Variants in KCNQ5 observed in about 807,000 individuals in gnomAD.
KCNQ5 encodes potassium voltage-gated channel subfamily Q member 5.
In KCNQ5, 30 loss-of-function variants were observed where a neutral mutation model predicts 98.2. The ratio of observed to expected loss-of-function variants is 0.31; its 90% CI spans 0.23 to 0.41. The LOEUF is 0.41. Among genes scored for constraint, KCNQ5 ranks in the 10% least tolerant of loss-of-function variants. KCNQ5 has a pLI of 1.00. For synonymous variants in KCNQ5, 458 were observed against 449.4 expected, an observed-to-expected ratio of 1.02 and a Z score of -0.24; for missense variants, 835 against 1,182.5, an observed-to-expected ratio of 0.71 and a Z score of 4.31.
chr6:72,973,825 A>T (rs1317021311), intron 1 of KCNQ5, among the ~76,000 whole-genome samples: 3 of 152,246 alleles, frequency 2.0e-5, no homozygotes, highest in Non-Finnish European at 2.9e-5. Flanking sequence ...AGAAATTAAG[A>T]AATATGTGAC....
chr6:73,155,175 C>T (rs957313931), intron 10 of KCNQ5, among the ~76,000 whole-genome samples: 1 of 152,204 alleles, frequency 6.6e-6, no homozygotes, highest in African/African-American at 2.4e-5. Context: ...CACACTTCAT[C>T]CTCTGTGCTT....
chr6:72,836,635 ACTGTTTTGCCC>A lies in KCNQ5; in HGVS notation c.399-167272_399-167262del, dbSNP rs1444862485. On this transcript the variant is annotated intron_variant, in intron 1 of 13. Coordinates refer to ENST00000370398, the MANE Select transcript of KCNQ5 (RefSeq NM_019842.4). ...TTTTTTTCTGTAGAGACAGGGTCTCACTGTTTTGCCCAAGCTGGTCTTGAATTCCTGTGCTT... is the reference window on the plus strand; with the variant it reads ...TTTTTTTCTGTAGAGACAGGGTCTCAAAGCTGGTCTTGAATTCCTGTGCTT... 2.6e-3 allele frequency among the ~76,000 whole-genome samples: 388 copies of A among 151,978 alleles called. 5 individuals carry two copies. Among genetic ancestry groups the A allele is most frequent in the South Asian group, 4.4e-3 (21 of 4,802 alleles).
chr6:72,668,129 G>A (rs1039458102), intron 1 of KCNQ5, among the ~76,000 whole-genome samples: 3 of 152,148 alleles, frequency 2.0e-5, no homozygotes, highest in Non-Finnish European at 2.9e-5. Flanking sequence ...ATATTGGGAA[G>A]GCTGGGGAAA....
chr6:73,183,422 C>T (rs775479289), intron 11 of KCNQ5, among the ~76,000 whole-genome samples: 4 of 152,194 alleles, frequency 2.6e-5, no homozygotes, highest in Non-Finnish European at 5.9e-5. Context: ...CCAAGCACAA[C>T]TCTTGGAGAC....
chr6:72,867,740 C>A (rs1020901983), intron 1 of KCNQ5, among the ~76,000 whole-genome samples: 4 of 151,600 alleles, frequency 2.6e-5, no homozygotes, highest in African/African-American at 4.9e-5. Flanking sequence ...GAGTTAAAGA[C>A]CAGCCTGAGC....
chr6:73,132,477 T>C (rs1776277379), intron 9 of KCNQ5, among the ~76,000 whole-genome samples: 1 of 152,256 alleles, frequency 6.6e-6, no homozygotes, highest in Admixed American at 6.5e-5. Context: ...TGTGTTGCTA[T>C]GTTTATCTCC....
chr6:72,817,842 C>T (rs544132514), intron 1 of KCNQ5, among the ~76,000 whole-genome samples: 1 of 151,724 alleles, frequency 6.6e-6, no homozygotes. Flanking sequence ...TGCAGTGAGC[C>T]GTGATTGCAC....
chr6:72,852,304 C>A (rs571573595), intron 1 of KCNQ5, among the ~76,000 whole-genome samples: 7 of 152,152 alleles, frequency 4.6e-5, no homozygotes, highest in African/African-American at 1.4e-4. Context: ...GATATATCTA[C>A]TCTTCCATGT....
At chr6:73,182,788 G>C (rs966547995) in intron 11 of KCNQ5, among the ~76,000 whole-genome samples, 1 of 152,096 alleles carries the variant, frequency 6.6e-6, no homozygotes, top group African/African-American at 2.4e-5. Context: ...CATGATATAC[G>C]TTGGGAATAT....
chr6:72,625,370 A>G (rs1251588855), intron 1 of KCNQ5, among the ~76,000 whole-genome samples: 3 of 152,174 alleles, frequency 2.0e-5, no homozygotes, highest in Non-Finnish European at 4.4e-5. Context: ...TGCCCTTACT[A>G]TTCTTTAGGA....
chr6:73,150,642 G>A (rs80300510), intron 10 of KCNQ5, among the ~76,000 whole-genome samples: 2,915 of 150,670 alleles, frequency 0.019, 213 homozygotes, highest in Admixed American at 0.12. Flanking sequence ...TAAACATATC[G>A]TGGCACATAC....
chr6:73,100,256 A>C (rs899555425), intron 5 of KCNQ5, among the ~76,000 whole-genome samples: 1 of 152,240 alleles, frequency 6.6e-6, no homozygotes, highest in Non-Finnish European at 1.5e-5. Context: ...AAAAACTTCA[A>C]ATAAACAACC....
rs1189137122 is a variant in KCNQ5, at chr6:72,658,559, G to GATAT, written c.398+35989_398+35992dup. ...GCCTCCCAAAGTGCTGGGATTAAAG[G>GATAT]ATATATATATATATATATATTTTTT... On this transcript the variant is annotated intron_variant, in intron 1 of 13. Transcript: ENST00000370398. 5.0e-3 allele frequency among the ~76,000 whole-genome samples: 439 copies of GATAT among 88,386 alleles called. 6 individuals carry two copies. The highest frequency in any genetic ancestry group is 5.6e-3 in the African/African-American group (83 of 14,882). The allele number at this position is 88,386 out of a possible 152,430, so 58.0% of individuals were successfully genotyped here.
chr6:73,170,502 C>CA (rs1352495414), intron 11 of KCNQ5, among the ~76,000 whole-genome samples: 2 of 149,438 alleles, frequency 1.3e-5, no homozygotes, highest in African/African-American at 5.0e-5. Flanking sequence ...GCATGCTCAG[C>CA]TGGCCCAGTT....
At chr6:72,736,188 A>G (rs1385842221) in intron 1 of KCNQ5, among the ~76,000 whole-genome samples, 1 of 152,092 alleles carries the variant, frequency 6.6e-6, no homozygotes, top group Non-Finnish European at 1.5e-5. Context: ...AAGCTCTAAA[A>G]TATCTCATCC....
intron 1 of KCNQ5, among the ~76,000 whole-genome samples, chr6:72,969,264 AT>A (rs1294673728): frequency 6.6e-6 from 1 of 152,154 alleles, no homozygotes; most frequent in African/African-American, 2.4e-5. Flanking sequence ...TCATCTTAAG[AT>A]TTTTTGAATC....
intron 1 of KCNQ5, among the ~76,000 whole-genome samples, chr6:72,757,104 G>T (rs989946928): frequency 2.0e-5 from 3 of 152,050 alleles, no homozygotes; most frequent in Non-Finnish European, 4.4e-5. Context: ...ATCAAATATT[G>T]TGAAGAAATT....
At chr6:72,843,449 T>C (rs995880810) in intron 1 of KCNQ5, among the ~76,000 whole-genome samples, 1 of 152,198 alleles carries the variant, frequency 6.6e-6, no homozygotes, top group African/African-American at 2.4e-5. Context: ...TTGCTTAGGA[T>C]TGTCTTGGCT....
chr6:72,729,526 T>C (rs1412893453), intron 1 of KCNQ5, among the ~76,000 whole-genome samples: 1 of 152,174 alleles, frequency 6.6e-6, no homozygotes, highest in African/African-American at 2.4e-5. Context: ...CCTCAGGTGA[T>C]CCTCCTTGCT....
Sources: allele counts gnomAD v4.1 joint callset (sites outside exome capture counted in the v4.1 genomes callset), GRCh38; gene constraint gnomAD v4.1.1; transcripts MANE v1.5; gene names NCBI Gene and HGNC (gene_info 2026-07-23, HGNC 2026-07-21).